The following RAB21 variants were observed in gnomAD, a reference collection of about 807,000 sequenced individuals.
The protein encoded by RAB21 is RAB21, member RAS oncogene family.
A neutral mutation model predicts 33.1 loss-of-function variants in RAB21; 13 were observed. The observed-to-expected ratio is 0.39, with a 90% CI of 0.26 to 0.62. The LOEUF is 0.62. RAB21 is among the 20% of genes least tolerant of loss of function. RAB21 has a pLI of 0.48. For synonymous variants in RAB21, 91 were observed against 103.7 expected (o/e 0.88, Z 0.74); for missense variants, 234 against 279.1 (o/e 0.84, Z 1.15).
intron 6 of RAB21, among the ~76,000 whole-genome samples, chr12:71,784,212 A>G (rs1396661877): frequency 6.6e-6 from 1 of 152,134 alleles, no homozygotes; most frequent in Admixed American, 6.5e-5. Context: ...ATCTTCTCAA[A>G]TACGTGTTTT....
At chr12:71,760,575 G>C (rs145200990) in intron 1 of RAB21, among the ~76,000 whole-genome samples, 250 of 152,226 alleles carry the variant, frequency 1.6e-3, no homozygotes, top group African/African-American at 5.7e-3. Context: ...GTATTAGCTG[G>C]GGAATATAAC....
chr12:71,755,469 C>T (rs1172511343), intron 1 of RAB21, among the ~76,000 whole-genome samples, 181 bp downstream of exon 1: 1 of 152,092 alleles, frequency 6.6e-6, no homozygotes, highest in Non-Finnish European at 1.5e-5. Context: ...AGCCTGTAGA[C>T]GCGAGGACAG....
chr12:71,767,968 C>G (rs564847098), intron 1 of RAB21, among the ~76,000 whole-genome samples: 1 of 152,118 alleles, frequency 6.6e-6, no homozygotes, highest in Non-Finnish European at 1.5e-5. Flanking sequence ...TTCAAATCCA[C>G]AGGTTCTGCT....
At chr12:71,785,481 A>ACC in intron 6 of RAB21, 50 bp from the exon 7 acceptor site, 2 of 1,592,090 alleles carry the variant, frequency 1.3e-6, no homozygotes, top group Non-Finnish European at 1.7e-6. Context: ...TTAGAAAGAG[A>ACC]AAACACAAAT....
intron 3 of RAB21, among the ~76,000 whole-genome samples, chr12:71,772,468 T>C (rs188469534): frequency 1.9e-3 from 295 of 152,286 alleles, no homozygotes; most frequent in African/African-American, 6.8e-3. Flanking sequence ...ATGGGAAGAT[T>C]AGCAAAGAAT....
At chr12:71,756,325 A>G (rs1882785242) in intron 1 of RAB21, among the ~76,000 whole-genome samples, 1 of 152,226 alleles carries the variant, frequency 6.6e-6, no homozygotes, top group Non-Finnish European at 1.5e-5. Flanking sequence ...GGATAAATAT[A>G]CAGAAAAAGC....
rs1883016523 is a variant in RAB21, at chr12:71,769,929, G to T, written c.219+70G>T. 7.7e-6 allele frequency: 6 copies of T among 779,488 alleles called. No individual in the cohort carries two copies. The East Asian group carries it at 1.5e-4, about 20-fold the overall frequency. The allele number at this position is 779,488 out of a possible 1,614,324, so 48.3% of individuals were successfully genotyped here. On this transcript the variant is annotated intron_variant, in intron 2 of 6. Coordinates refer to ENST00000261263, the MANE Select transcript of RAB21 (RefSeq NM_014999.4). The stretch of plus-strand genomic sequence containing the variant: ...TTTTCTTTTTTTTTAAAGTTAATTG[G>T]AGCTTAGCCAACACTTTTTTTTTTT...
intron 1 of RAB21, among the ~76,000 whole-genome samples, chr12:71,760,105 T>C (rs1377772997): frequency 1.3e-5 from 2 of 152,258 alleles, no homozygotes; most frequent in Middle Eastern, 3.2e-3. Context: ...ATGGGATTAT[T>C]TTCACATGAA....
Position 71,790,903 on chromosome 12 carries a change from T to C in RAB21, c.*5230T>C, listed in dbSNP as rs1429516377. The stretch of plus-strand genomic sequence containing the variant: ...TTTTTTTCTTTCTTTTTTTCTTTTT[T>C]AAAATAGCCTCTGACTCCATGAAAC... On this transcript the variant is annotated 3_prime_UTR_variant, in exon 7 of 7. Transcript: ENST00000261263. 2 of 152,106 alleles carry C rather than the reference T, an allele frequency of 1.3e-5. No homozygotes were observed. The highest frequency in any genetic ancestry group is 2.9e-5 in the Non-Finnish European group (2 of 68,030). The allele number at this position is 152,106 out of a possible 1,614,324, so 9.4% of individuals were successfully genotyped here. A position where few individuals can be genotyped will look rare whatever the true frequency, so the allele number is the denominator to read the frequency against.
In RAB21 at chr12:71,768,003, A is replaced by G. The variant is rs542992502; in HGVS notation, c.160-1797A>G. 7.2e-5 allele frequency among the ~76,000 whole-genome samples: 11 copies of G among 152,302 alleles called. No homozygotes were observed. In the South Asian group the frequency reaches 2.1e-3, roughly 29 times the overall value. Reference sequence around the variant, plus strand: ...TCCAAAGTTCATATTCTTAGCTCCTATGCTAGCATGAATGGGAGAAGACAT... The same window carrying G: ...TCCAAAGTTCATATTCTTAGCTCCTGTGCTAGCATGAATGGGAGAAGACAT... On this transcript the variant is annotated intron_variant, in intron 1 of 6. Coordinates refer to ENST00000261263, the MANE Select transcript of RAB21 (RefSeq NM_014999.4).
chr12:71,781,953 T>C, intron 4 of RAB21, 78 bp from the exon 5 acceptor site: 1 of 1,139,832 alleles, frequency 8.8e-7, no homozygotes, highest in Non-Finnish European at 1.3e-6. Flanking sequence ...AAAATGGCAA[T>C]TTTATATTTA....
chr12:71,760,271 A>G (rs1204665130), intron 1 of RAB21, among the ~76,000 whole-genome samples: 2 of 152,144 alleles, frequency 1.3e-5, no homozygotes, highest in South Asian at 2.1e-4. Context: ...TAATTGTGAC[A>G]TTTGCCATAC....
rs187579003 is a variant in RAB21, at chr12:71,782,334, G to C, written c.447-236G>C. On this transcript the variant is annotated intron_variant, in intron 5 of 6. Coordinates refer to ENST00000261263, the MANE Select transcript of RAB21 (RefSeq NM_014999.4). ...TCATGATCAAATAGGCAGTAAGCCAGAAAAACTTTTGAAGTATTTGAGTCC... is the reference window on the plus strand; with the variant it reads ...TCATGATCAAATAGGCAGTAAGCCACAAAAACTTTTGAAGTATTTGAGTCC... 2.1e-3 allele frequency: 1,087 copies of C among 525,410 alleles called. 14 individuals are homozygous for C. The highest frequency in any genetic ancestry group is 0.019 in the African/African-American group (970 of 51,590). The allele number at this position is 525,410 out of a possible 1,614,324, so 32.5% of individuals were successfully genotyped here. A position where few individuals can be genotyped will look rare whatever the true frequency, so the allele number is the denominator to read the frequency against.
At position 71,789,132 on chromosome 12, in the gene RAB21, G is replaced by A. The variant is rs1486668466; in HGVS notation, c.*3459G>A. 1 of 151,936 alleles carries A rather than the reference G, an allele frequency of 6.6e-6. No individual in the cohort carries two copies. The highest frequency in any genetic ancestry group is 1.5e-5 in the Non-Finnish European group (1 of 67,920). 9.4% of individuals were successfully genotyped at this position (151,936 alleles called of 1,614,324 possible). A position where few individuals can be genotyped will look rare whatever the true frequency, so the allele number is the denominator to read the frequency against. On this transcript the variant is annotated 3_prime_UTR_variant, in exon 7 of 7. Transcript: ENST00000261263. ...ATAAAATTGGAAAAATAGGGAAAGA[G>A]CATAGGGAGGAATAGAATGGAAGTC...
chr12:71,765,540 G>A (rs967657077), intron 1 of RAB21, among the ~76,000 whole-genome samples: 3 of 152,206 alleles, frequency 2.0e-5, no homozygotes, highest in Admixed American at 6.5e-5. Context: ...CCAATGTCTA[G>A]AAGAGTTTTT....
intron 1 of RAB21, among the ~76,000 whole-genome samples, chr12:71,765,612 T>A (rs1882948060): frequency 1.3e-5 from 2 of 152,184 alleles, no homozygotes; most frequent in South Asian, 4.1e-4. Flanking sequence ...TTGATCCATC[T>A]TGAGTTGATT....
chr12:71,774,585 C>T (rs139914340), intron 4 of RAB21, among the ~76,000 whole-genome samples: 1,662 of 151,684 alleles, frequency 0.011, 35 homozygotes, highest in African/African-American at 0.038. Context: ...ATAGTGAAAC[C>T]CCGCTCTAAT....
chr12:71,778,912 G>A (rs1883158410), intron 4 of RAB21, among the ~76,000 whole-genome samples: 1 of 152,210 alleles, frequency 6.6e-6, no homozygotes, highest in South Asian at 2.1e-4. Context: ...GGAGGCTGAA[G>A]CAGGCGGATC....
chr12:71,782,407 A>G (rs1883214869), intron 5 of RAB21, 163 bp from the exon 6 acceptor site: 1 of 529,844 alleles, frequency 1.9e-6, no homozygotes, highest in Non-Finnish European at 3.3e-6. Context: ...TGTGTTATTT[A>G]AAATTTGATT....
Sources: allele counts gnomAD v4.1 joint callset (sites outside exome capture counted in the v4.1 genomes callset), GRCh38; gene constraint gnomAD v4.1.1; transcripts MANE v1.5; gene names NCBI Gene and HGNC (gene_info 2026-07-23, HGNC 2026-07-21).